The following DNAJA1 variants were observed in gnomAD, a reference collection of about 807,000 sequenced individuals.
DNAJA1 encodes the protein dnaJ homolog subfamily A member 1.
A neutral mutation model predicts 47.6 loss-of-function variants in DNAJA1; 26 were observed. The ratio of observed to expected loss-of-function variants is 0.55; its 90% CI spans 0.40 to 0.76. The LOEUF (loss-of-function observed/expected upper bound fraction) is 0.76, where lower values mean the gene tolerates loss of function less well. Among genes scored for constraint, DNAJA1 ranks in the 30% least tolerant of loss-of-function variants. The probability of loss-of-function intolerance (pLI) is 0.00; values close to 1 mark genes in which losing one functional copy is unlikely to be tolerated. For missense variants in DNAJA1, 315 were observed against 485.0 expected, an observed-to-expected ratio of 0.65 and a Z score of 3.29; for synonymous variants, 165 against 158.4, an observed-to-expected ratio of 1.04 and a Z score of -0.31.
intron 8 of DNAJA1, among the ~76,000 whole-genome samples, chr9:33,037,693 AAAG>A (rs969685820): frequency 1.3e-5 from 2 of 152,110 alleles, no homozygotes; most frequent in East Asian, 1.9e-4. Context: ...AAAAAAGAAA[AAAG>A]AAAATTTACC....
chr9:33,036,365 CTT>C (rs1198971948), intron 6 of DNAJA1: 13 of 352,852 alleles, frequency 3.7e-5, no homozygotes, highest in South Asian at 2.4e-4. Flanking sequence ...TGTGGAATGA[CTT>C]TGAATCCTTA....
At position 33,038,772 on chromosome 9, in the gene DNAJA1, A is replaced by T. The variant is rs746848794; in HGVS notation, c.1063A>T (p.Thr355Ser). The change falls in exon 9 of 9, where the codon ACT becomes TCT. Residue 355 changes from threonine to serine, a missense_variant. Coordinates refer to ENST00000330899, the MANE Select transcript of DNAJA1 (RefSeq NM_001539.4). ...ACCCGAGAGGAAGGAAGTGGAAGAGACTGATGAGATGGACCAAGTAGAACT... is the reference window on the plus strand; with the variant it reads ...ACCCGAGAGGAAGGAAGTGGAAGAGTCTGATGAGATGGACCAAGTAGAACT... ...LLPERKEVEE[T>S]DEMDQVELVD... The T allele has an allele frequency of 6.2e-7, 1 of 1,614,146 alleles. No individual in the cohort carries two copies. Among genetic ancestry groups the T allele is most frequent in the Admixed American group, 1.7e-5 (1 of 60,020 alleles).
At position 33,037,124 on chromosome 9, in the gene DNAJA1, T is replaced by C. The variant is rs1237847352; in HGVS notation, c.975+9T>C. On this transcript the variant is annotated intron_variant, in intron 8 of 8. Transcript: ENST00000330899. ...TAATCATCGAATTTAAGGTAAGCTG[T>C]AATGTACTTTAAGAATACTTGAGAA... 6.2e-7 allele frequency: 1 copy of C among 1,607,048 alleles called. No individual in the cohort carries two copies. Among genetic ancestry groups the C allele is most frequent in the Admixed American group, 1.7e-5 (1 of 58,598 alleles).
At chr9:33,035,047 T>A (rs1187921638) in intron 6 of DNAJA1, among the ~76,000 whole-genome samples, 1 of 149,302 alleles carries the variant, frequency 6.7e-6, no homozygotes, top group Non-Finnish European at 1.5e-5. Flanking sequence ...CTTTTTTTTT[T>A]TTTTTTTTTA....
intron 6 of DNAJA1, among the ~76,000 whole-genome samples, chr9:33,035,262 T>C (rs916306911): frequency 7.2e-5 from 11 of 151,790 alleles, no homozygotes; most frequent in Non-Finnish European, 1.2e-4. Context: ...TGGCAGGCCC[T>C]GAGGCAGGAG....
chr9:33,030,401 A>T (rs1280164046), intron 4 of DNAJA1, 39 bp from the exon 5 acceptor site: 1 of 1,561,170 alleles, frequency 6.4e-7, no homozygotes, highest in Non-Finnish European at 8.7e-7. Context: ...TGTATACACT[A>T]CTAATTCATA....
chr9:33,025,632 A>G (rs1838802449), intron 1 of DNAJA1, among the ~76,000 whole-genome samples: 1 of 151,138 alleles, frequency 6.6e-6, no homozygotes, highest in Non-Finnish European at 1.5e-5. Flanking sequence ...CCAAGGAGCT[A>G]CTGTCTTCGG....
At chr9:33,037,417 C>T in intron 8 of DNAJA1, 2 of 222,392 alleles carry the variant, frequency 9.0e-6, no homozygotes, top group Non-Finnish European at 1.8e-5. Flanking sequence ...GCCACTGGCA[C>T]ACACCTATAA....
At chr9:33,026,449 G>A (rs1193032425) in intron 1 of DNAJA1, 26 bp from the exon 2 acceptor site, 2 of 1,591,948 alleles carry the variant, frequency 1.3e-6, no homozygotes, top group Admixed American at 3.8e-5. Flanking sequence ...TTGAAAGCCG[G>A]TTAAAGTTGC....
rs1377452059 is a variant in DNAJA1, at chr9:33,025,328, G to T, written c.-66G>T. The T allele has an allele frequency of 6.6e-6, 1 of 152,594 alleles. No individual in the cohort carries two copies. The highest frequency in any genetic ancestry group is 6.5e-5 in the Admixed American group (1 of 15,292). 9.5% of individuals were successfully genotyped at this position (152,594 alleles called of 1,614,324 possible). ...CGGAGGAGCGGTAACTACCCCGGCT[G>T]CGCACAGCTCGGCGCTCCTTCCCGC... On this transcript the variant is annotated 5_prime_UTR_variant, in exon 1 of 9. Coordinates refer to ENST00000330899, the MANE Select transcript of DNAJA1 (RefSeq NM_001539.4).
At chr9:33,029,801 T>G in intron 3 of DNAJA1, 84 bp from the exon 4 acceptor site, 1 of 1,106,648 alleles carries the variant, frequency 9.0e-7, no homozygotes, top group Non-Finnish European at 1.3e-6. Context: ...TTTATTATTC[T>G]TTGCCACATT....
rs750955525 is a variant in DNAJA1, at chr9:33,030,429, T to C, written c.416-11T>C. 9.3e-6 allele frequency: 15 copies of C among 1,605,294 alleles called. 1 individual carries two copies. In the South Asian group the frequency reaches 1.1e-4, roughly 12 times the overall value. ...AATTCATACATTATTTAATTTTCTT[T>C]TTAAATTTAGGTAGAGGAGGTAAGA... On this transcript the variant is annotated splice_polypyrimidine_tract_variant and intron_variant, in intron 4 of 8. Transcript: ENST00000330899.
chr9:33,031,204 C>T (rs1040212887), intron 5 of DNAJA1, among the ~76,000 whole-genome samples: 3 of 152,194 alleles, frequency 2.0e-5, no homozygotes, highest in African/African-American at 7.2e-5. Flanking sequence ...TCAAGCAGTT[C>T]TTCTGCCTCA....
intron 7 of DNAJA1, 140 bp from the exon 8 acceptor site, chr9:33,036,875 T>C: frequency 1.2e-6 from 1 of 844,508 alleles, no homozygotes; most frequent in Non-Finnish European, 1.8e-6. Context: ...GGAAAACCCA[T>C]AAGTGAAAGG....
At position 33,030,650 on chromosome 9, in the gene DNAJA1, A is replaced by T; in HGVS notation, c.626A>T (p.Glu209Val). The T allele has an allele frequency of 6.2e-7, 1 of 1,612,896 alleles. No individual in the cohort carries two copies. The highest frequency in any genetic ancestry group is 8.5e-7 in the Non-Finnish European group (1 of 1,179,450). Reference sequence around the variant, plus strand: ...ATAGTTCGAGAGAAGAAAATTTTAGAAGTTCATATTGACAAAGGTGAGTTC... The same window carrying T: ...ATAGTTCGAGAGAAGAAAATTTTAGTAGTTCATATTGACAAAGGTGAGTTC... The part of the protein sequence containing the change: ...RKIVREKKIL[E>V]VHIDKGMKDG... The change falls in exon 5 of 9, where the codon GAA (glutamate) becomes GTA (valine). Residue 209 changes from glutamate (E) to valine (V), a missense_variant. This residue lies in a region of DNAJA1 where 45 missense variants were observed against 93.3 expected (regional missense o/e 0.48). Transcript: ENST00000330899.
intron 3 of DNAJA1, among the ~76,000 whole-genome samples, chr9:33,028,047 AAAAGAC>A (rs1478227325): frequency 1.4e-5 from 2 of 145,488 alleles, no homozygotes; most frequent in African/African-American, 5.2e-5. Context: ...AAAAAAAAAA[AAAAGAC>A]AAAGTATATA....
At position 33,038,697 on chromosome 9, in the gene DNAJA1, G is replaced by T. The variant is rs767710743; in HGVS notation, c.988G>T (p.Glu330Ter). 2 of 1,613,816 alleles carry T rather than the reference G, an allele frequency of 1.2e-6. No individual in the cohort carries two copies. The highest frequency in any genetic ancestry group is 1.1e-5 in the South Asian group (1 of 91,038). The change falls in exon 9 of 9, where the codon GAG becomes TAG. Residue 330 changes from glutamate to a stop codon, truncating the protein, a stop_gained. Coordinates refer to ENST00000330899, the MANE Select transcript of DNAJA1 (RefSeq NM_001539.4). LOFTEE classifies it high-confidence loss of function. ...LIIEFKVNFP[E>*]NGFLSPDKLS... The stretch of plus-strand genomic sequence containing the variant: ...GTTTCTTTTGAAGGTAAACTTTCCT[G>T]AGAATGGCTTTCTCTCTCCTGATAA...
In DNAJA1 at chr9:33,026,488, G is replaced by A. The variant is rs762260116; in HGVS notation, c.4G>A (p.Val2Met). The A allele has an allele frequency of 6.2e-7, 1 of 1,603,492 alleles. No homozygotes were observed. Among genetic ancestry groups the A allele is most frequent in the Non-Finnish European group, 8.5e-7 (1 of 1,177,588 alleles). ...TTCTTATTTCAGGCAGTAGAAGATG[G>A]TGAAAGAAACAACTTACTACGATGT... Reference protein sequence around the residue: MVKETTYYDVLG... With the variant: MMKETTYYDVLG... The change falls in exon 2 of 9, where the codon GTG becomes ATG. Residue 2 changes from valine to methionine, a missense_variant. By Grantham distance (21) the Val-to-Met change is conservative (BLOSUM62 1). Coordinates refer to ENST00000330899, the MANE Select transcript of DNAJA1 (RefSeq NM_001539.4).
chr9:33,026,664 CGTATAGTATTTCTATTATG>C (rs1339898088), intron 2 of DNAJA1, 48 bp downstream of exon 2: 4 of 1,575,292 alleles, frequency 2.5e-6, no homozygotes, highest in African/African-American at 2.8e-5. Context: ...CTTTGCCAGA[CGTATAGTATTTCTATTATG>C]GCCTGAAATC....
Sources: gnomAD v4.1 joint callset for allele counts (sites outside exome capture counted in the v4.1 genomes callset) on GRCh38, gnomAD v4.1.1 for gene constraint, gnomAD v4.1.1 regional missense constraint, MANE v1.5 for transcripts, NCBI Gene and HGNC (gene_info 2026-07-23, HGNC 2026-07-21) for gene names.